CEP85L: variants seen among roughly 807,000 people sequenced by gnomAD.
CEP85L encodes centrosomal protein 85L.
In CEP85L, 60 loss-of-function variants were observed where a neutral mutation model predicts 100.3. That is an observed-to-expected ratio of 0.60 (90% CI 0.49 to 0.74). CEP85L has a LOEUF of 0.74. CEP85L is among the 30% of genes least tolerant of loss of function. The pLI, the probability that CEP85L is intolerant of heterozygous loss-of-function variation, is 0.00. For missense variants in CEP85L, 973 were observed against 936.2 expected (o/e 1.04, Z -0.51); for synonymous variants, 319 against 322.7 (o/e 0.99, Z 0.12).
chr6:118,555,758 T>C (rs1417273666), intron 3 of CEP85L, among the ~76,000 whole-genome samples: 1 of 152,134 alleles, frequency 6.6e-6, no homozygotes, highest in South Asian at 2.1e-4. Context: ...CATCCCGTTA[T>C]TAAGCCCAGT....
intron 2 of CEP85L, among the ~76,000 whole-genome samples, chr6:118,569,669 G>A (rs1037598781): frequency 6.6e-6 from 1 of 151,464 alleles, no homozygotes; most frequent in Non-Finnish European, 1.5e-5. Context: ...ATTCCTGGCA[G>A]AAAGCAAAAT....
At chr6:118,612,688 GGGGGGA>G (rs1772724933) in intron 2 of CEP85L, among the ~76,000 whole-genome samples, 1 of 68,208 alleles carries the variant, frequency 1.5e-5, no homozygotes, top group Non-Finnish European at 3.0e-5. Flanking sequence ...GGGGGGGGGG[GGGGGGA>G]CTCTCAAATC....
chr6:118,644,182 C>T (rs1775047170), intron 1 of CEP85L, among the ~76,000 whole-genome samples: 1 of 152,194 alleles, frequency 6.6e-6, no homozygotes, highest in Non-Finnish European at 1.5e-5. Flanking sequence ...ACTCATCTTA[C>T]ATGGCTGCCT....
At chr6:118,526,021 G>A (rs936943120) in intron 3 of CEP85L, among the ~76,000 whole-genome samples, 4 of 152,210 alleles carry the variant, frequency 2.6e-5, no homozygotes, top group Non-Finnish European at 4.4e-5. Flanking sequence ...GTTTCATGCA[G>A]GAGACAGGAT....
chr6:118,681,904 A>G (rs1461505104), intron 1 of CEP85L, among the ~76,000 whole-genome samples: 2 of 151,820 alleles, frequency 1.3e-5, no homozygotes, highest in Non-Finnish European at 1.5e-5. Flanking sequence ...ATGCTTGGCT[A>G]ATTTTTTTGT....
intron 3 of CEP85L, among the ~76,000 whole-genome samples, chr6:118,549,363 T>C (rs1187470222): frequency 1.3e-5 from 2 of 151,912 alleles, no homozygotes; most frequent in Non-Finnish European, 3.0e-5. Context: ...TTCTACCCTA[T>C]TCTTTATGTT....
intron 2 of CEP85L, among the ~76,000 whole-genome samples, chr6:118,630,834 T>C (rs938635974): frequency 1.3e-5 from 2 of 152,214 alleles, no homozygotes; most frequent in Non-Finnish European, 2.9e-5. Context: ...CACCACCTCC[T>C]GTCAGATCAA....
rs532134662 is a variant in CEP85L, at chr6:118,600,275, CTGCCTGTCCCTG to C, written c.232+32166_232+32177del. ...ATGCAGAGAACTTGCAAACCTAGTA[CTGCCTGTCCCTG>C]AGCCTTCCTGGGGGTGTGTGTGTGT... On this transcript the variant is annotated intron_variant, in intron 2 of 12. Coordinates refer to ENST00000368491, the MANE Select transcript of CEP85L (RefSeq NM_001042475.3). Among the ~76,000 whole-genome samples, 423 of 100,596 alleles carry C rather than the reference CTGCCTGTCCCTG, an allele frequency of 4.2e-3. 28 individuals are homozygous for C. Among genetic ancestry groups the C allele is most frequent in the African/African-American group, 0.015 (405 of 27,736 alleles). 66.0% of individuals were successfully genotyped at this position (100,596 alleles called of 152,430 possible). A position where few individuals can be genotyped will look rare whatever the true frequency, so the allele number is the denominator to read the frequency against.
rs1233344005 is a variant in CEP85L at position 118,475,353 on chromosome 6, T to C, written c.1914+4518A>G. On this transcript the variant is annotated intron_variant, in intron 10 of 12. Coordinates refer to ENST00000368491, the MANE Select transcript of CEP85L (RefSeq NM_001042475.3). ...TGGGTGAATTGTAGGTGACATTTTT[T>C]TTTTTTTTTTTTTTTTTTTGAGACG... Among the ~76,000 whole-genome samples the C allele has an allele frequency of 1.0e-4, 15 of 144,166 alleles. 1 individual carries two copies. Among genetic ancestry groups the C allele is most frequent in the African/African-American group, 1.8e-4 (7 of 38,266 alleles). 94.6% of individuals were successfully genotyped at this position (144,166 alleles called of 152,430 possible).
intron 1 of CEP85L, among the ~76,000 whole-genome samples, chr6:118,689,323 T>TA (rs1776951894): frequency 6.6e-6 from 1 of 152,240 alleles, no homozygotes; most frequent in Admixed American, 6.5e-5. Flanking sequence ...TAACTTCACA[T>TA]ACAATAATTT....
At chr6:118,472,181 G>GTC (rs1290533236) in intron 10 of CEP85L, among the ~76,000 whole-genome samples, 1 of 152,022 alleles carries the variant, frequency 6.6e-6, no homozygotes, top group East Asian at 1.9e-4. Context: ...CCAATTCAGA[G>GTC]TCATGTTGAA....
At chr6:118,524,018 A>G in intron 3 of CEP85L, 98 bp from the exon 4 acceptor site, 1 of 486,726 alleles carries the variant, frequency 2.1e-6, no homozygotes, top group Non-Finnish European at 3.4e-6. Flanking sequence ...AAAAAAAAAG[A>G]ACTCCCTCTT....
chr6:118,664,193 C>T (rs1465816228), intron 1 of CEP85L, among the ~76,000 whole-genome samples: 1 of 152,070 alleles, frequency 6.6e-6, no homozygotes, highest in Non-Finnish European at 1.5e-5. Flanking sequence ...CTGCACCTGG[C>T]CTTTTTCCAA....
At chr6:118,641,536 G>A (rs1329599075) in intron 1 of CEP85L, among the ~76,000 whole-genome samples, 1 of 152,060 alleles carries the variant, frequency 6.6e-6, no homozygotes, top group Non-Finnish European at 1.5e-5. Flanking sequence ...TAACATAAAC[G>A]GAGGTGCTCT....
chr6:118,610,179 G>C (rs1772515092), intron 2 of CEP85L, among the ~76,000 whole-genome samples: 1 of 152,046 alleles, frequency 6.6e-6, no homozygotes, highest in African/African-American at 2.4e-5. Flanking sequence ...ATTATTCAAG[G>C]TTGTACAGAT....
At chr6:118,613,635 T>C (rs531084843) in intron 2 of CEP85L, among the ~76,000 whole-genome samples, 26 of 151,414 alleles carry the variant, frequency 1.7e-4, no homozygotes, top group African/African-American at 5.1e-4. Flanking sequence ...CACACACCTA[T>C]AATCCCAGCT....
At chr6:118,483,286 T>C (rs956031771) in intron 7 of CEP85L, among the ~76,000 whole-genome samples, 2 of 142,790 alleles carry the variant, frequency 1.4e-5, no homozygotes, top group Non-Finnish European at 3.2e-5. Flanking sequence ...AAGTCATAGG[T>C]CAAGGTATAA....
intron 3 of CEP85L, among the ~76,000 whole-genome samples, chr6:118,553,244 C>T (rs1025101029): frequency 3.5e-5 from 5 of 144,656 alleles, no homozygotes; most frequent in African/African-American, 1.3e-4. Context: ...GAAACTCATA[C>T]AGTGGTTGTC....
At chr6:118,645,634 C>T (rs367707425) in intron 1 of CEP85L, among the ~76,000 whole-genome samples, 1 of 152,124 alleles carries the variant, frequency 6.6e-6, no homozygotes, top group Non-Finnish European at 1.5e-5. Context: ...ATTGCACAAC[C>T]GCACTCCAGC....
Sources: allele counts gnomAD v4.1 joint callset (sites outside exome capture counted in the v4.1 genomes callset), GRCh38; gene constraint gnomAD v4.1.1; transcripts MANE v1.5; gene names NCBI Gene and HGNC (gene_info 2026-07-23, HGNC 2026-07-21).